Variants in VWF observed in about 807,000 individuals in gnomAD.
VWF encodes the protein von Willebrand factor, also known as Factor VIII related antigen.
Under a neutral mutation model 308.6 loss-of-function variants are expected in VWF, and 176 were observed. The observed-to-expected ratio is 0.57, with a 90% CI of 0.50 to 0.65. The LOEUF (loss-of-function observed/expected upper bound fraction) is 0.65. Among genes scored for constraint, VWF ranks in the 30% least tolerant of loss-of-function variants. The pLI, the probability that VWF is intolerant of heterozygous loss-of-function variation, is 0.00. For missense variants in VWF, 3,146 were observed against 3,648.2 expected (o/e 0.86, Z 3.55); for synonymous variants, 1,385 against 1,443.4 (o/e 0.96, Z 0.92).
chr12:6,097,979 T>C (rs150554420), intron 5 of VWF, among the ~76,000 whole-genome samples: 8 of 152,342 alleles, frequency 5.3e-5, no homozygotes, highest in East Asian at 1.9e-4. Flanking sequence ...ATTCCTTATG[T>C]GCAAATAAGG....
chr12:6,121,405 T>C, intron 2 of VWF, 67 bp from the exon 3 acceptor site: 1 of 1,575,020 alleles, frequency 6.3e-7, no homozygotes, highest in Admixed American at 1.8e-5. Context: ...AGCTCAAACC[T>C]CTCTGGCCTC....
At chr12:6,068,813 CTTCCTT>C (rs1374191530) in intron 10 of VWF, among the ~76,000 whole-genome samples, 5 of 126,002 alleles carry the variant, frequency 4.0e-5, no homozygotes, top group African/African-American at 1.6e-4. Context: ...TTTTCTTTTT[CTTCCTT>C]TTTTTTTTTT....
chr12:6,103,392 G>A lies in VWF; in HGVS notation c.532+6982C>T, dbSNP rs551682925. Among the ~76,000 whole-genome samples, 1,139 of 119,810 alleles carry A rather than the reference G, an allele frequency of 9.5e-3. 91 individuals carry two copies. The highest frequency in any genetic ancestry group is 0.046 in the African/African-American group (1,020 of 22,110). The allele number at this position is 119,810 out of a possible 152,430, so 78.6% of individuals were successfully genotyped here. A position where few individuals can be genotyped will look rare whatever the true frequency, so the allele number is the denominator to read the frequency against. On this transcript the variant is annotated intron_variant, in intron 5 of 51. Transcript: ENST00000261405. ...TGTGTGTGTGTGTATACACGTGTGT[G>A]TATACACGTGTGTGTATACACACGT...
At chr12:6,006,108 G>A (rs216811) in intron 34 of VWF, among the ~76,000 whole-genome samples, 45,302 of 152,050 alleles carry the variant, frequency 0.3, 6,900 homozygotes, top group South Asian at 0.39. Flanking sequence ...CATCAATAAT[G>A]TAAAGTGGGG....
chr12:6,104,255 T>G (rs1383263164), intron 5 of VWF, among the ~76,000 whole-genome samples: 1 of 151,964 alleles, frequency 6.6e-6, no homozygotes, highest in Non-Finnish European at 1.5e-5. Flanking sequence ...CAACGGTTAT[T>G]ATTAAAAAGA....
intron 6 of VWF, among the ~76,000 whole-genome samples, chr12:6,092,618 A>AGTGTGTGTGTGTGTGTGTGT (rs752209524): frequency 7.6e-5 from 5 of 66,150 alleles, no homozygotes; most frequent in Admixed American, 1.3e-4. Flanking sequence ...AGTGAGTGAG[A>AGTGTGTGTGTGTGTGTGTGT]GTGTGTGTGT....
intron 3 of VWF, 64 bp downstream of exon 3, chr12:6,121,110 C>G (rs1189565842): frequency 2.4e-5 from 38 of 1,605,878 alleles, no homozygotes; most frequent in Admixed American, 5.0e-5. Context: ...AATCCTCCCC[C>G]ACACCAGGGC....
intron 3 of VWF, among the ~76,000 whole-genome samples, chr12:6,119,563 A>G (rs1329403146): frequency 6.6e-6 from 1 of 152,116 alleles, no homozygotes; most frequent in Non-Finnish European, 1.5e-5. Context: ...AAACATCTTC[A>G]GACCAGGCAT....
chr12:6,036,338 C>T lies in VWF; in HGVS notation c.2546+50G>A, dbSNP rs1439532078. The T allele has an allele frequency of 2.5e-6, 4 of 1,573,728 alleles. No homozygotes were observed. In the African/African-American group the frequency reaches 5.4e-5, roughly 21 times the overall value. ...GGTCCTGTGGCCGCGTGCACCCTCA[C>T]TCCACCCGCAGGGCCTGGGTCCCCG... On this transcript the variant is annotated intron_variant, in intron 19 of 51. Transcript: ENST00000261405.
chr12:6,048,600 T>A (rs1944473355), intron 16 of VWF, among the ~76,000 whole-genome samples: 1 of 152,190 alleles, frequency 6.6e-6, no homozygotes, highest in Non-Finnish European at 1.5e-5. Context: ...GTAGCTGGGA[T>A]TACAGGCACA....
intron 47 of VWF, among the ~76,000 whole-genome samples, chr12:5,964,230 A>ACATACATACATACATG (rs1943360593): frequency 6.8e-4 from 96 of 140,502 alleles, no homozygotes; most frequent in African/African-American, 2.9e-3. Flanking sequence ...ATACATACAT[A>ACATACATACATACATG]CATACATACA....
At chr12:6,081,114 G>A (rs1194439933) in intron 6 of VWF, among the ~76,000 whole-genome samples, 1 of 152,184 alleles carries the variant, frequency 6.6e-6, no homozygotes, top group Non-Finnish European at 1.5e-5. Context: ...GAAAGGCTGA[G>A]GCAAACCTCA....
At chr12:6,123,108 C>A in intron 2 of VWF, 34 bp downstream of exon 2, 7 of 1,613,884 alleles carry the variant, frequency 4.3e-6, no homozygotes, top group Non-Finnish European at 5.9e-6. Flanking sequence ...GGCCCTGGGG[C>A]AGGAATGAGA....
At position 6,073,729 on chromosome 12, in the gene VWF, G is replaced by A. The variant is rs1340753881; in HGVS notation, c.887C>T (p.Pro296Leu). 3 of 1,613,966 alleles carry A rather than the reference G, an allele frequency of 1.9e-6. No individual in the cohort carries two copies. Among genetic ancestry groups the A allele is most frequent in the East Asian group, 2.2e-5 (1 of 44,856 alleles). The change falls in exon 8 of 52, where the codon CCT becomes CTT. Residue 296 changes from proline to leucine, a missense_variant. By Grantham distance (98) the Pro-to-Leu change is moderately conservative. This residue lies in a region of VWF where 1,304 missense variants were observed against 1,353.0 expected (regional missense o/e 0.96). Coordinates refer to ENST00000261405, the MANE Select transcript of VWF (RefSeq NM_000552.5). ...ACACTGCCTATACTCCATACCAGCA[G>A]GGCACACTGGGCCTGAAAAGGAACA... ...TDHSACSPVC[P>L]AGMEYRQCVS... is the part of the protein sequence containing the mutation.
At chr12:5,983,783 T>C (rs976530610) in intron 40 of VWF, among the ~76,000 whole-genome samples, 19 of 67,302 alleles carry the variant, frequency 2.8e-4, no homozygotes, top group South Asian at 6.2e-4. Flanking sequence ...GATAGATAAC[T>C]AGATACAATA....
Position 6,121,193 on chromosome 12 carries a change from T to A in VWF, c.201A>T (p.Lys67Asn). Residue 67 changes from lysine to asparagine, a missense_variant, in exon 3 of 52, where the codon AAA becomes AAT. Physicochemically the swap from Lys to Asn is moderately conservative, Grantham distance 94. Coordinates refer to ENST00000261405, the MANE Select transcript of VWF (RefSeq NM_000552.5). ...CSYLLAGGCQKRSFSIIGDFQ... is the reference protein window; with the variant it reads ...CSYLLAGGCQNRSFSIIGDFQ... ...ACTCACCAATAATCGAGAAGGAGCG[T>A]TTCTGGCAGCCCCCTGCCAGGAGGT... 6.8e-6 allele frequency: 11 copies of A among 1,614,164 alleles called. No homozygotes were observed. Among genetic ancestry groups the A allele is most frequent in the Non-Finnish European group, 9.3e-6 (11 of 1,180,024 alleles).
intron 37 of VWF, among the ~76,000 whole-genome samples, chr12:5,992,384 A>G (rs1382519114): frequency 6.6e-6 from 1 of 152,160 alleles, no homozygotes; most frequent in African/African-American, 2.4e-5. Flanking sequence ...TCCTTGGAGC[A>G]TGAATGTGAT....
At chr12:6,065,719 G>C (rs1944705991) in intron 10 of VWF, among the ~76,000 whole-genome samples, 3 of 152,090 alleles carry the variant, frequency 2.0e-5, no homozygotes, top group African/African-American at 7.2e-5. Flanking sequence ...AGGGTTCTCT[G>C]AACCTGAGTG....
intron 1 of VWF, 110 bp from the exon 2 acceptor site, chr12:6,123,306 A>T: frequency 7.6e-7 from 1 of 1,310,022 alleles, no homozygotes; most frequent in East Asian, 2.3e-5. Context: ...AAAGCAGGAG[A>T]AAAGATTGAT....
Sources: allele counts gnomAD v4.1 joint callset (sites outside exome capture counted in the v4.1 genomes callset), GRCh38; gene constraint gnomAD v4.1.1; regional missense constraint gnomAD v4.1.1; transcripts MANE v1.5; gene names NCBI Gene and HGNC (gene_info 2026-07-23, HGNC 2026-07-21).